MPRIP: variants seen among roughly 807,000 people sequenced by gnomAD.
The protein encoded by MPRIP is myosin phosphatase Rho interacting protein, also known as myosin phosphatase Rho-interacting protein.
A neutral mutation model predicts 234.9 loss-of-function variants in MPRIP; 59 were observed. That is an observed-to-expected ratio of 0.25 (90% CI 0.20 to 0.31). The LOEUF (loss-of-function observed/expected upper bound fraction) is 0.31. Among genes scored for constraint, MPRIP ranks in the 10% least tolerant of loss-of-function variants. The pLI is 1.00. For missense variants in MPRIP, 2,436 were observed against 3,071.0 expected (o/e 0.79, Z 4.89); for synonymous variants, 1,144 against 1,263.9 (o/e 0.91, Z 2.01).
At chr17:17,155,482 G>A (rs2045708666) in intron 13 of MPRIP, among the ~76,000 whole-genome samples, 1 of 152,154 alleles carries the variant, frequency 6.6e-6, no homozygotes, top group Non-Finnish European at 1.5e-5. Flanking sequence ...GACCTCAGGT[G>A]ATCCACTCGC....
intron 19 of MPRIP, 100 bp downstream of exon 19, chr17:17,174,175 C>T: frequency 7.1e-7 from 1 of 1,410,678 alleles, no homozygotes; most frequent in Non-Finnish European, 9.6e-7. Flanking sequence ...AGCCAGGCCT[C>T]ACCCTCAAAG....
rs1055967655 is a variant in MPRIP, at chr17:17,187,449, G to C, written c.*2555G>C. The C allele has an allele frequency of 2.6e-5, 4 of 152,242 alleles. No individual in the cohort carries two copies. Among genetic ancestry groups the C allele is most frequent in the Non-Finnish European group, 5.9e-5 (4 of 68,066 alleles). The allele number at this position is 152,242 out of a possible 1,614,324, so 9.4% of individuals were successfully genotyped here. A position where few individuals can be genotyped will look rare whatever the true frequency, so the allele number is the denominator to read the frequency against. On this transcript the variant is annotated 3_prime_UTR_variant, in exon 24 of 24. Coordinates refer to ENST00000651222, the MANE Select transcript of MPRIP (RefSeq NM_001364716.4). ...GGCGTTTCTGAAGAGCCCTCATACA[G>C]GGACAGCCACCATCTGGGTCAAGGA... is the stretch of plus-strand genomic sequence containing the variant.
chr17:17,075,088 T>A (rs914557076), intron 1 of MPRIP, among the ~76,000 whole-genome samples: 1 of 152,172 alleles, frequency 6.6e-6, no homozygotes, highest in Non-Finnish European at 1.5e-5. Flanking sequence ...GCAGCACCGT[T>A]TTACATCCCT....
At chr17:17,093,511 T>A (rs2144160211) in intron 3 of MPRIP, among the ~76,000 whole-genome samples, 1 of 152,286 alleles carries the variant, frequency 6.6e-6, no homozygotes, top group South Asian at 2.1e-4. Context: ...TACATAAGAT[T>A]TACCCATTTC....
At chr17:17,128,879 C>G (rs1006875111) in intron 4 of MPRIP, among the ~76,000 whole-genome samples, 2 of 151,960 alleles carry the variant, frequency 1.3e-5, no homozygotes, top group Non-Finnish European at 2.9e-5. Flanking sequence ...TCTTGCCTCC[C>G]TCTGTTTCCC....
intron 1 of MPRIP, among the ~76,000 whole-genome samples, chr17:17,059,857 G>A (rs1193716475): frequency 6.6e-6 from 1 of 152,180 alleles, no homozygotes; most frequent in Non-Finnish European, 1.5e-5. Flanking sequence ...GGTGGGCATG[G>A]CTGTTCTGAG....
chr17:17,138,235 G>A lies in MPRIP; in HGVS notation c.1056G>A (p.Arg352=). The A allele has an allele frequency of 1.6e-6, 1 of 632,872 alleles. No individual in the cohort carries two copies. Among genetic ancestry groups the A allele is most frequent in the Non-Finnish European group, 2.6e-6 (1 of 388,836 alleles). The allele number at this position is 632,872 out of a possible 1,614,324, so 39.2% of individuals were successfully genotyped here. Residue 352 remains arginine, a synonymous_variant, in exon 7 of 24, where the codon CGG becomes CGA. Transcript: ENST00000651222. The surrounding 1 kb of genome is among the most constrained non-coding windows in gnomAD (Gnocchi z 5.8). ...AYVDSGSTRG[R]GTERLGSAFA... ...TGGACTCTGGCAGCACTAGGGGGCG[G>A]GGGACAGAGAGACTGGGGAGCGCCT...
chr17:17,124,093 A>G (rs994018172), intron 3 of MPRIP, among the ~76,000 whole-genome samples: 3 of 152,208 alleles, frequency 2.0e-5, no homozygotes, highest in African/African-American at 7.2e-5. Flanking sequence ...CACTTTGCAC[A>G]TGAGGAAACT....
intron 11 of MPRIP, 81 bp downstream of exon 11, chr17:17,147,468 C>A: frequency 7.4e-7 from 1 of 1,352,382 alleles, no homozygotes; most frequent in Non-Finnish European, 1.1e-6. Flanking sequence ...ATCTGCTTCC[C>A]CCTGGGCTAA....
intron 21 of MPRIP, among the ~76,000 whole-genome samples, chr17:17,177,048 T>A (rs979497694): frequency 2.3e-4 from 35 of 152,216 alleles, no homozygotes; most frequent in Admixed American, 2.0e-3. Context: ...TGCCATGTCC[T>A]GATGGCTGTG....
intron 1 of MPRIP, among the ~76,000 whole-genome samples, chr17:17,046,422 A>G (rs2088353936): frequency 6.6e-6 from 1 of 152,200 alleles, no homozygotes; most frequent in Non-Finnish European, 1.5e-5. Context: ...GCAGATACCT[A>G]TAAATAGAAT....
Position 17,185,749 on chromosome 17 carries a change from G to T in MPRIP, c.*855G>T. On this transcript the variant is annotated 3_prime_UTR_variant, in exon 24 of 24. Transcript: ENST00000651222. Reference sequence around the variant, plus strand: ...AAAATGGGGGAAGGTTTGGGGGTTTGGGTTTTTTTTTTACCTTTTGGAAAA... The same window carrying T: ...AAAATGGGGGAAGGTTTGGGGGTTTTGGTTTTTTTTTTACCTTTTGGAAAA... 6.0e-6 allele frequency: 2 copies of T among 334,278 alleles called. No homozygotes were observed. Among genetic ancestry groups the T allele is most frequent in the South Asian group, 2.3e-5 (1 of 42,876 alleles). The allele number at this position is 334,278 out of a possible 1,614,324, so 20.7% of individuals were successfully genotyped here. A position where few individuals can be genotyped will look rare whatever the true frequency, so the allele number is the denominator to read the frequency against.
rs1366863303 is a variant in MPRIP at position 17,191,398 on chromosome 17, T to C, written c.*6504T>C. ...TGTGGAGCACTGGAGCTGTTTGGAT[T>C]CCCCAGCCCTTTGGTCATATCCTGG... On this transcript the variant is annotated 3_prime_UTR_variant, in exon 24 of 24. Coordinates refer to ENST00000651222, the MANE Select transcript of MPRIP (RefSeq NM_001364716.4). 6.6e-6 allele frequency: 1 copy of C among 152,238 alleles called. No homozygotes were observed. The highest frequency in any genetic ancestry group is 1.9e-4 in the East Asian group (1 of 5,204). 9.4% of individuals were successfully genotyped at this position (152,238 alleles called of 1,614,324 possible).
chr17:17,121,255 G>C (rs2090383072), intron 3 of MPRIP, among the ~76,000 whole-genome samples: 1 of 152,240 alleles, frequency 6.6e-6, no homozygotes. Flanking sequence ...CTTTGTGGTA[G>C]AGCCTATTGC....
At chr17:17,086,391 C>T (rs2089591725) in intron 3 of MPRIP, among the ~76,000 whole-genome samples, 2 of 152,198 alleles carry the variant, frequency 1.3e-5, no homozygotes, top group South Asian at 4.1e-4. Context: ...TTGGTCATGA[C>T]AATTGAGATG....
chr17:17,128,089 C>T (rs923028582), intron 4 of MPRIP, among the ~76,000 whole-genome samples: 1 of 152,208 alleles, frequency 6.6e-6, no homozygotes, highest in African/African-American at 2.4e-5. Flanking sequence ...GTGGTACAGT[C>T]GAGGAGACCC....
At chr17:17,063,480 A>G (rs1490419602) in intron 1 of MPRIP, among the ~76,000 whole-genome samples, 3 of 151,994 alleles carry the variant, frequency 2.0e-5, no homozygotes, top group African/African-American at 7.3e-5. Context: ...GGAATAGAAG[A>G]TGTTTGTGTA....
At chr17:17,157,392 T>C (rs1236596322) in intron 13 of MPRIP, among the ~76,000 whole-genome samples, 2 of 152,176 alleles carry the variant, frequency 1.3e-5, no homozygotes, top group Non-Finnish European at 2.9e-5. Context: ...CCAGTGTCCT[T>C]CTCCCCTTCT....
intron 3 of MPRIP, among the ~76,000 whole-genome samples, chr17:17,094,260 G>A (rs970675482): frequency 3.3e-5 from 5 of 152,224 alleles, no homozygotes; most frequent in Admixed American, 2.0e-4. Context: ...TTGACCAGGA[G>A]CTGGACTGGC....
Sources: gnomAD v4.1 joint callset for allele counts (sites outside exome capture counted in the v4.1 genomes callset) on GRCh38, gnomAD v4.1.1 for gene constraint, Gnocchi (gnomAD v3.1) non-coding constraint, MANE v1.5 for transcripts, NCBI Gene and HGNC (gene_info 2026-07-23, HGNC 2026-07-21) for gene names.